Variants in ZBTB38 observed in about 807,000 individuals in gnomAD.
The protein encoded by ZBTB38 is zinc finger and BTB domain-containing protein 38.
Under a neutral mutation model 76.8 loss-of-function variants are expected in ZBTB38, and 20 were observed. That is an observed-to-expected ratio of 0.26 (90% CI 0.18 to 0.38). The LOEUF (loss-of-function observed/expected upper bound fraction) is 0.38. Among genes scored for constraint, ZBTB38 ranks in the 10% least tolerant of loss-of-function variants. ZBTB38 has a pLI of 1.00. For synonymous variants in ZBTB38, 504 were observed against 544.2 expected, an observed-to-expected ratio of 0.93 and a Z score of 1.03; for missense variants, 1,082 against 1,482.3, an observed-to-expected ratio of 0.73 and a Z score of 4.43.
At chr3:141,328,944 C>A (rs1364567311) in intron 1 of ZBTB38, among the ~76,000 whole-genome samples, 1 of 152,198 alleles carries the variant, frequency 6.6e-6, no homozygotes, top group Non-Finnish European at 1.5e-5. Flanking sequence ...TTCCCTGAGC[C>A]CTCCAGGCCT....
chr3:141,334,917 G>A (rs1396538380), intron 1 of ZBTB38, among the ~76,000 whole-genome samples: 1 of 152,080 alleles, frequency 6.6e-6, no homozygotes, highest in Non-Finnish European at 1.5e-5. Flanking sequence ...TTCTAAAAAT[G>A]AAAAAATGGA....
At chr3:141,398,013 C>A (rs1331197015) in intron 4 of ZBTB38, among the ~76,000 whole-genome samples, 1 of 152,218 alleles carries the variant, frequency 6.6e-6, no homozygotes, top group Non-Finnish European at 1.5e-5. Flanking sequence ...AAAAAAGACG[C>A]AGTATCTACA....
At chr3:141,345,128 T>C (rs904816814) in intron 1 of ZBTB38, among the ~76,000 whole-genome samples, 2 of 152,192 alleles carry the variant, frequency 1.3e-5, no homozygotes, top group African/African-American at 2.4e-5. Context: ...CCAAGAACTT[T>C]TGCAAAAGAA....
chr3:141,338,560 G>A (rs1943080867), intron 1 of ZBTB38, among the ~76,000 whole-genome samples: 1 of 152,188 alleles, frequency 6.6e-6, no homozygotes, highest in Non-Finnish European at 1.5e-5. Context: ...AACAAATGCT[G>A]CATTTTCTCA....
At chr3:141,346,527 T>G (rs1179003493) in intron 1 of ZBTB38, among the ~76,000 whole-genome samples, 1 of 152,168 alleles carries the variant, frequency 6.6e-6, no homozygotes, top group Non-Finnish European at 1.5e-5. Flanking sequence ...ATTACTCTGT[T>G]GCAACAAAGG....
At chr3:141,344,509 C>T (rs1340938064) in intron 1 of ZBTB38, among the ~76,000 whole-genome samples, 1 of 152,238 alleles carries the variant, frequency 6.6e-6, no homozygotes, top group Non-Finnish European at 1.5e-5. Context: ...ACTGGGACCA[C>T]AGGCACATGC....
chr3:141,342,573 G>A (rs9823774), intron 1 of ZBTB38, among the ~76,000 whole-genome samples: 37,767 of 151,698 alleles, frequency 0.25, 5,391 homozygotes, highest in Non-Finnish European at 0.32. Flanking sequence ...GAGAACCCTG[G>A]TGACACTTGA....
intron 1 of ZBTB38, among the ~76,000 whole-genome samples, chr3:141,334,443 TC>T (rs879478968): frequency 0.22 from 26,690 of 123,744 alleles, 2,878 homozygotes; most frequent in Non-Finnish European, 0.25. Context: ...CTTCCTTCCT[TC>T]TTTCCTTTCT....
At chr3:141,380,227 A>G (rs1215023069) in intron 2 of ZBTB38, among the ~76,000 whole-genome samples, 2 of 152,164 alleles carry the variant, frequency 1.3e-5, no homozygotes, top group Non-Finnish European at 2.9e-5. Context: ...CTTGTCCTTT[A>G]ATTCTGTGAA....
chr3:141,363,820 ATTAAC>A (rs1173832773), upstream of ZBTB38, among the ~76,000 whole-genome samples: 2 of 152,314 alleles, frequency 1.3e-5, no homozygotes, highest in East Asian at 1.9e-4. Flanking sequence ...CATAGGCAAA[ATTAAC>A]TTAAAGTGTA....
At chr3:141,352,179 T>C (rs1455396311) in intron 1 of ZBTB38, among the ~76,000 whole-genome samples, 1 of 151,946 alleles carries the variant, frequency 6.6e-6, no homozygotes, top group Non-Finnish European at 1.5e-5. Flanking sequence ...ATATATCAAG[T>C]GATAAAGAAA....
rs778468286 is a variant in ZBTB38, at chr3:141,443,285, A to G, written c.897A>G (p.Gln299=). ...NLEVNQERSP[Q]PAAVLTRSKS... is the part of the protein sequence containing the mutation. ...AGGTTAATCAAGAAAGAAGTCCACAACCAGCTGCTGTTCTCACTCGTTCAA... is the reference window on the plus strand; with the variant it reads ...AGGTTAATCAAGAAAGAAGTCCACAGCCAGCTGCTGTTCTCACTCGTTCAA... Residue 299 remains glutamine (Q), a synonymous_variant, in exon 6 of 6, where the codon CAA becomes CAG. Transcript: ENST00000321464. The surrounding 1 kb of genome is among the most constrained non-coding windows in gnomAD (Gnocchi z 5.6). 50 of 1,614,094 alleles carry G rather than the reference A, an allele frequency of 3.1e-5. No individual in the cohort carries two copies. In the Admixed American group the frequency reaches 3.8e-4, roughly 12 times the overall value.
intron 1 of ZBTB38, among the ~76,000 whole-genome samples, chr3:141,350,955 G>A (rs1419432078): frequency 1.3e-5 from 2 of 152,288 alleles, no homozygotes; most frequent in East Asian, 1.9e-4. Context: ...GGTAAGAAAC[G>A]ATTGCCTTTG....
At chr3:141,441,888 C>T (rs2080330835) in intron 5 of ZBTB38, among the ~76,000 whole-genome samples, 1 of 151,732 alleles carries the variant, frequency 6.6e-6, no homozygotes, top group Admixed American at 6.6e-5. Context: ...TGCACTCCAG[C>T]CTGGGCAACA....
chr3:141,333,098 G>T (rs143335121), intron 1 of ZBTB38, among the ~76,000 whole-genome samples: 1 of 152,236 alleles, frequency 6.6e-6, no homozygotes, highest in Non-Finnish European at 1.5e-5. Context: ...TCTACAAGGG[G>T]TTGGAGATCT....
intron 1 of ZBTB38, among the ~76,000 whole-genome samples, chr3:141,355,471 C>A (rs925515936): frequency 3.9e-5 from 6 of 152,096 alleles, no homozygotes; most frequent in African/African-American, 1.2e-4. Flanking sequence ...ATGTTCTAGT[C>A]TTTTCTGCTA....
chr3:141,325,081 A>G (rs1401305138), intron 1 of ZBTB38, among the ~76,000 whole-genome samples: 3 of 152,248 alleles, frequency 2.0e-5, no homozygotes, highest in African/African-American at 7.2e-5. Context: ...GTGTACAAAC[A>G]GATGTCTTAT....
At chr3:141,393,556 T>C (rs1264391346) in intron 4 of ZBTB38, among the ~76,000 whole-genome samples, 1 of 152,116 alleles carries the variant, frequency 6.6e-6, no homozygotes, top group Non-Finnish European at 1.5e-5. Context: ...CTCAGGGTAC[T>C]GGGGAACAGT....
intron 1 of ZBTB38, among the ~76,000 whole-genome samples, chr3:141,334,405 T>C (rs370311099): frequency 2.0e-4 from 26 of 130,242 alleles, no homozygotes; most frequent in South Asian, 7.8e-4. Flanking sequence ...TCCTTCCTTC[T>C]TTCCTTCCTT....
Sources: allele counts gnomAD v4.1 joint callset (sites outside exome capture counted in the v4.1 genomes callset), GRCh38; gene constraint gnomAD v4.1.1; non-coding constraint Gnocchi (gnomAD v3.1); transcripts MANE v1.5; gene names NCBI Gene and HGNC (gene_info 2026-07-23, HGNC 2026-07-21).